The following POU6F2 variants were observed in gnomAD, a reference collection of about 807,000 sequenced individuals.
POU6F2 encodes the protein POU class 6 homeobox 2.
In POU6F2, 31 loss-of-function variants were observed where a neutral mutation model predicts 71.3. That is an observed-to-expected ratio of 0.43 (90% CI 0.33 to 0.59). The LOEUF (loss-of-function observed/expected upper bound fraction) is 0.59, where lower values mean the gene tolerates loss of function less well. POU6F2 is among the 20% of genes least tolerant of loss of function. POU6F2 has a pLI of 0.04. For missense variants in POU6F2, 783 were observed against 856.8 expected (o/e 0.91, Z 1.07); for synonymous variants, 347 against 355.7 (o/e 0.98, Z 0.27).
At chr7:39,242,316 C>T (rs1783740214) in intron 4 of POU6F2, among the ~76,000 whole-genome samples, 1 of 151,602 alleles carries the variant, frequency 6.6e-6, no homozygotes, top group Non-Finnish European at 1.5e-5. Flanking sequence ...ATCCCACCGG[C>T]AGGGTATGAG....
At chr7:39,214,339 C>T (rs1358767712) in intron 4 of POU6F2, among the ~76,000 whole-genome samples, 2 of 152,238 alleles carry the variant, frequency 1.3e-5, no homozygotes, top group East Asian at 3.9e-4. Context: ...CCTCCTCCTC[C>T]CCTGCCCCAG....
intron 3 of POU6F2, among the ~76,000 whole-genome samples, chr7:39,204,554 C>A (rs1342603663): frequency 7.8e-6 from 1 of 128,968 alleles, no homozygotes; most frequent in Non-Finnish European, 1.6e-5. Context: ...TGGCTTTAAT[C>A]ATGTGGAAAC....
At chr7:39,014,896 G>A (rs554717323) in intron 1 of POU6F2, among the ~76,000 whole-genome samples, 5 of 152,014 alleles carry the variant, frequency 3.3e-5, no homozygotes, top group African/African-American at 1.2e-4. Flanking sequence ...AAGTGGAACC[G>A]TTTCCATGAA....
rs1487616724 is a variant in POU6F2, at chr7:38,977,914, G to A, written c.-40G>A. On this transcript the variant is annotated 5_prime_UTR_variant, in exon 1 of 10. Coordinates refer to ENST00000518318, the MANE Select transcript of POU6F2 (RefSeq NM_001370959.1). ...GAGCAGCTTGACTTTTTTTCCCCTT[G>A]CTTTTGGTGATGGTTGTGAGTGCAG... is the stretch of plus-strand genomic sequence containing the variant. The A allele has an allele frequency of 6.6e-6, 1 of 152,240 alleles. No individual in the cohort carries two copies. The highest frequency in any genetic ancestry group is 1.5e-5 in the Non-Finnish European group (1 of 68,080). The allele number at this position is 152,240 out of a possible 1,614,324, so 9.4% of individuals were successfully genotyped here. A position where few individuals can be genotyped will look rare whatever the true frequency, so the allele number is the denominator to read the frequency against.
intron 4 of POU6F2, among the ~76,000 whole-genome samples, chr7:39,230,351 G>A (rs1261257955): frequency 6.6e-6 from 1 of 152,100 alleles, no homozygotes; most frequent in African/African-American, 2.4e-5. Context: ...TGGGTGTAGT[G>A]GTGCATGCCT....
At chr7:39,094,053 T>C (rs982428956) in intron 2 of POU6F2, among the ~76,000 whole-genome samples, 1 of 152,164 alleles carries the variant, frequency 6.6e-6, no homozygotes, top group African/African-American at 2.4e-5. Flanking sequence ...TTCTCCTGTA[T>C]ATTTAAAAAA....
At chr7:39,244,253 G>T (rs1448577446) in intron 4 of POU6F2, among the ~76,000 whole-genome samples, 1 of 152,070 alleles carries the variant, frequency 6.6e-6, no homozygotes, top group South Asian at 2.1e-4. Flanking sequence ...ATATTTTAAG[G>T]TGCTTCTAAA....
chr7:39,149,742 A>ATG (rs1476021548), intron 2 of POU6F2, among the ~76,000 whole-genome samples: 5 of 152,072 alleles, frequency 3.3e-5, no homozygotes, highest in Non-Finnish European at 5.9e-5. Flanking sequence ...CTTTATATAT[A>ATG]TGTGTGTGTA....
In POU6F2 at chr7:39,460,013, A is replaced by G. The variant is rs1015577730; in HGVS notation, c.1490-534A>G. On this transcript the variant is annotated intron_variant, in intron 8 of 9. Coordinates refer to ENST00000518318, the MANE Select transcript of POU6F2 (RefSeq NM_001370959.1). This position sits in a 1 kb window ranked among gnomAD's most constrained non-coding sequence, Gnocchi z 4.4. ...ATGCTCTTCTGAGGGACTAATGTGA[A>G]TGTAAGAAATTAGGCAACATTATCA... is the stretch of plus-strand genomic sequence containing the variant. Among the ~76,000 whole-genome samples, 6 of 152,152 alleles carry G rather than the reference A, an allele frequency of 3.9e-5. No homozygotes were observed. The highest frequency in any genetic ancestry group is 9.7e-5 in the African/African-American group (4 of 41,426).
intron 1 of POU6F2, among the ~76,000 whole-genome samples, chr7:39,005,608 C>T (rs760395409): frequency 8.6e-6 from 1 of 115,886 alleles, no homozygotes; most frequent in Admixed American, 1.0e-4. Context: ...CTTGACCTGC[C>T]GTCAAAGAGG....
intron 7 of POU6F2, among the ~76,000 whole-genome samples, chr7:39,445,447 C>CT (rs1788502374): frequency 6.6e-6 from 1 of 152,196 alleles, no homozygotes; most frequent in Non-Finnish European, 1.5e-5. Flanking sequence ...TTCATTCATA[C>CT]TTTCTGTGCA....
intron 1 of POU6F2, among the ~76,000 whole-genome samples, chr7:39,076,893 CACATTA>C (rs770852639): frequency 6.6e-6 from 1 of 151,064 alleles, no homozygotes; most frequent in Non-Finnish European, 1.5e-5. Flanking sequence ...CACACACACA[CACATTA>C]ATTAACAGTC....
chr7:39,439,817 ACCAG>A (rs1437052009), intron 7 of POU6F2, among the ~76,000 whole-genome samples: 1 of 152,102 alleles, frequency 6.6e-6, no homozygotes, highest in Non-Finnish European at 1.5e-5. Flanking sequence ...AGTGGCTGGT[ACCAG>A]TTTTTCCTTT....
intron 2 of POU6F2, among the ~76,000 whole-genome samples, chr7:39,152,448 C>T (rs1792781040): frequency 1.3e-5 from 2 of 152,138 alleles, no homozygotes; most frequent in South Asian, 2.1e-4. Context: ...CGATCCAAAC[C>T]TCTCCTCCCT....
At chr7:39,183,413 G>A (rs1250400602) in intron 2 of POU6F2, among the ~76,000 whole-genome samples, 1 of 152,204 alleles carries the variant, frequency 6.6e-6, no homozygotes, top group East Asian at 1.9e-4. Context: ...CAAAAGGAGA[G>A]CAGACAGTTC....
At chr7:39,074,458 C>T (rs948398713) in intron 1 of POU6F2, among the ~76,000 whole-genome samples, 6 of 151,516 alleles carry the variant, frequency 4.0e-5, no homozygotes, top group African/African-American at 7.3e-5. Context: ...CCAGCCTGGA[C>T]GACAGAGTGA....
intron 4 of POU6F2, among the ~76,000 whole-genome samples, chr7:39,245,356 T>C (rs924825804): frequency 3.3e-5 from 5 of 152,204 alleles, no homozygotes; most frequent in Non-Finnish European, 7.3e-5. Context: ...AAATGACATA[T>C]GATTATCTAC....
chr7:39,251,747 G>A (rs947989572), intron 4 of POU6F2, among the ~76,000 whole-genome samples: 1 of 152,108 alleles, frequency 6.6e-6, no homozygotes, highest in Non-Finnish European at 1.5e-5. Flanking sequence ...CAAAGACACC[G>A]GGGCCTTGGA....
rs398004470 is a variant in POU6F2, at chr7:39,246,905, C to CTTTTTTTTTTTTTTTTTTTTTTTTTT, written c.598+39308_598+39309insTTTTTTTTTTTTTTTTTTTTTTTTTT. Among the ~76,000 whole-genome samples the CTTTTTTTTTTTTTTTTTTTTTTTTTT allele has an allele frequency of 1.2e-4, 9 of 78,150 alleles. 2 individuals carry two copies. Among genetic ancestry groups the CTTTTTTTTTTTTTTTTTTTTTTTTTT allele is most frequent in the African/African-American group, 5.3e-4 (9 of 17,070 alleles). The allele number at this position is 78,150 out of a possible 152,430, so 51.3% of individuals were successfully genotyped here. A position where few individuals can be genotyped will look rare whatever the true frequency, so the allele number is the denominator to read the frequency against. On this transcript the variant is annotated intron_variant, in intron 4 of 9. Coordinates refer to ENST00000518318, the MANE Select transcript of POU6F2 (RefSeq NM_001370959.1). ...CCAGCTCACCCCAAATCCAGGGTGG[C>CTTTTTTTTTTTTTTTTTTTTTTTTTT]TTTTTTTTTTTTTTTTTTTTTTTGC...
Sources: gnomAD v4.1 joint callset for allele counts (sites outside exome capture counted in the v4.1 genomes callset) on GRCh38, gnomAD v4.1.1 for gene constraint, Gnocchi (gnomAD v3.1) non-coding constraint, MANE v1.5 for transcripts, NCBI Gene and HGNC (gene_info 2026-07-23, HGNC 2026-07-21) for gene names.